The following PTTG1IP2 variants were observed in gnomAD, a reference collection of about 807,000 sequenced individuals.
The protein encoded by PTTG1IP2 is PTTG1IP family member 2.
intron 1 of PTTG1IP2, among the ~76,000 whole-genome samples, chr7:90,477,026 C>T (rs1227353709): frequency 1.3e-5 from 2 of 152,114 alleles, no homozygotes; most frequent in South Asian, 2.1e-4. Context: ...AAGAGGATCA[C>T]GGATGGAACT....
intron 6 of PTTG1IP2, among the ~76,000 whole-genome samples, chr7:90,501,581 G>T (rs1173335048): frequency 6.6e-6 from 1 of 152,136 alleles, no homozygotes; most frequent in African/African-American, 2.4e-5. Context: ...GGGGTGAGAG[G>T]ATCACTTGAG....
intron 6 of PTTG1IP2, among the ~76,000 whole-genome samples, chr7:90,505,212 G>A (rs1238359484): frequency 6.6e-6 from 1 of 152,138 alleles, no homozygotes; most frequent in Non-Finnish European, 1.5e-5. Context: ...ATTTGAAAAG[G>A]GTATTCGATG....
intron 6 of PTTG1IP2, among the ~76,000 whole-genome samples, chr7:90,495,969 A>G (rs1044783497): frequency 9.2e-5 from 14 of 152,184 alleles, no homozygotes; most frequent in African/African-American, 2.6e-4. Context: ...GTTGGGGGGG[A>G]GTACTCTTTG....
chr7:90,488,584 G>A (rs1440603424), intron 3 of PTTG1IP2, among the ~76,000 whole-genome samples: 2 of 151,928 alleles, frequency 1.3e-5, no homozygotes, highest in African/African-American at 4.8e-5. Context: ...CCAGAAATGA[G>A]TTTAGAGGTA....
intron 6 of PTTG1IP2, among the ~76,000 whole-genome samples, chr7:90,499,579 T>A (rs900066316): frequency 6.6e-6 from 1 of 152,096 alleles, no homozygotes; most frequent in Non-Finnish European, 1.5e-5. Flanking sequence ...TCTTTATTTT[T>A]TTATTATTAT....
intron 6 of PTTG1IP2, among the ~76,000 whole-genome samples, chr7:90,500,973 C>T (rs930355617): frequency 1.3e-5 from 2 of 152,180 alleles, no homozygotes; most frequent in African/African-American, 4.8e-5. Flanking sequence ...GAGCATACTC[C>T]TCCTTTACTT....
chr7:90,504,837 G>C (rs990475298), intron 6 of PTTG1IP2, among the ~76,000 whole-genome samples: 4 of 152,206 alleles, frequency 2.6e-5, no homozygotes, highest in Non-Finnish European at 4.4e-5. Flanking sequence ...GTGCACAACA[G>C]TCTTCCTTTT....
intron 4 of PTTG1IP2, among the ~76,000 whole-genome samples, chr7:90,490,970 A>C (rs1046982636): frequency 1.4e-4 from 22 of 152,212 alleles, no homozygotes; most frequent in African/African-American, 4.8e-4. Context: ...AGACCTTGTT[A>C]ATTCAATGAG....
intron 6 of PTTG1IP2, among the ~76,000 whole-genome samples, chr7:90,507,764 T>C (rs980205698): frequency 6.6e-6 from 1 of 152,196 alleles, no homozygotes; most frequent in Non-Finnish European, 1.5e-5. Context: ...TTAAATACCA[T>C]GTATAAAGCA....
chr7:90,501,353 A>C (rs896303049), intron 6 of PTTG1IP2, among the ~76,000 whole-genome samples: 30 of 152,292 alleles, frequency 2.0e-4, no homozygotes, highest in African/African-American at 5.8e-4. Flanking sequence ...TATTATGTCT[A>C]AAAAACAACA....
At chr7:90,476,207 G>T (rs975891152) in intron 1 of PTTG1IP2, among the ~76,000 whole-genome samples, 2 of 152,084 alleles carry the variant, frequency 1.3e-5, no homozygotes, top group Non-Finnish European at 2.9e-5. Flanking sequence ...CTAGTAAAAT[G>T]AAGAGTTAAT....
At chr7:90,471,129 C>T (rs984091631) in intron 1 of PTTG1IP2, among the ~76,000 whole-genome samples, 4 of 152,202 alleles carry the variant, frequency 2.6e-5, no homozygotes, top group Admixed American at 6.5e-5. Flanking sequence ...TGCCAAGGGC[C>T]TCTCCTGAAT....
At chr7:90,471,286 T>C (rs1029786211) in intron 1 of PTTG1IP2, among the ~76,000 whole-genome samples, 2 of 152,214 alleles carry the variant, frequency 1.3e-5, no homozygotes, top group Admixed American at 1.3e-4. Flanking sequence ...TCCTCATCTA[T>C]GTCCCAGATT....
chr7:90,488,540 T>C, intron 3 of PTTG1IP2, among the ~76,000 whole-genome samples: 1 of 152,026 alleles, frequency 6.6e-6, no homozygotes, highest in Non-Finnish European at 1.5e-5. Context: ...TACAACAGCC[T>C]GAGGGATTTG....
intron 6 of PTTG1IP2, among the ~76,000 whole-genome samples, chr7:90,498,830 T>G (rs535506290): frequency 1.8e-4 from 27 of 152,212 alleles, no homozygotes; most frequent in Non-Finnish European, 3.4e-4. Context: ...TTACTCTTTC[T>G]GTTTCCTTTT....
rs1797658900 is a variant in PTTG1IP2 at position 90,469,708 on chromosome 7, T to C, written c.-79T>C. On this transcript the variant is annotated 5_prime_UTR_variant, in exon 1 of 7. Coordinates refer to ENST00000509356, the MANE Select transcript of PTTG1IP2 (RefSeq NM_001365443.2). ...CAGGGCTGTGGTAGGTCACAGTCTC[T>C]GGGCGGGTCTCAGTGTCCAACACTG... The C allele has an allele frequency of 6.6e-6, 1 of 152,650 alleles. No homozygotes were observed. Among genetic ancestry groups the C allele is most frequent in the South Asian group, 2.1e-4 (1 of 4,832 alleles). The allele number at this position is 152,650 out of a possible 1,614,324, so 9.5% of individuals were successfully genotyped here.
At chr7:90,486,351 C>T (rs1312772218) in intron 2 of PTTG1IP2, among the ~76,000 whole-genome samples, 3 of 148,354 alleles carry the variant, frequency 2.0e-5, no homozygotes, top group African/African-American at 7.4e-5. Flanking sequence ...ACCTAGATCA[C>T]CGGGTTGTCA....
At chr7:90,493,114 C>G (rs535268930) in intron 5 of PTTG1IP2, among the ~76,000 whole-genome samples, 1 of 152,088 alleles carries the variant, frequency 6.6e-6, no homozygotes, top group African/African-American at 2.4e-5. Flanking sequence ...CTGCATAGTC[C>G]TTTATAATTA....
At chr7:90,471,737 T>G (rs918812380) in intron 1 of PTTG1IP2, among the ~76,000 whole-genome samples, 1 of 152,110 alleles carries the variant, frequency 6.6e-6, no homozygotes, top group African/African-American at 2.4e-5. Flanking sequence ...GAGAAACAAG[T>G]TGAGGGGGTA....
Sources: gnomAD v4.1 joint callset for allele counts (sites outside exome capture counted in the v4.1 genomes callset) on GRCh38, gnomAD v4.1.1 for gene constraint, MANE v1.5 for transcripts, NCBI Gene and HGNC (gene_info 2026-07-23, HGNC 2026-07-21) for gene names.